The following GRID2 variants were observed in gnomAD, a reference collection of about 807,000 sequenced individuals.
GRID2 encodes glutamate receptor ionotropic, delta-2.
In GRID2, 33 loss-of-function variants were observed where a neutral mutation model predicts 114.8. That is an observed-to-expected ratio of 0.29 (90% CI 0.22 to 0.38). The LOEUF is 0.38. GRID2 is among the 10% of genes least tolerant of loss of function. The pLI is 1.00. For synonymous variants in GRID2, 505 were observed against 449.9 expected (o/e 1.12, Z -1.55); for missense variants, 1,184 against 1,257.7 (o/e 0.94, Z 0.89).
chr4:92,694,509 C>T (rs574903995), intron 2 of GRID2, among the ~76,000 whole-genome samples: 2 of 152,254 alleles, frequency 1.3e-5, no homozygotes, highest in Admixed American at 1.3e-4. Context: ...GTCCTCAACC[C>T]TATAATTTTC....
intron 2 of GRID2, among the ~76,000 whole-genome samples, chr4:93,010,896 A>G (rs1213613485): frequency 1.3e-5 from 2 of 152,018 alleles, no homozygotes; most frequent in Non-Finnish European, 2.9e-5. Flanking sequence ...AATGGCACTT[A>G]TATGCCATTT....
intron 1 of GRID2, among the ~76,000 whole-genome samples, chr4:92,488,083 G>C (rs1230201215): frequency 6.6e-6 from 1 of 152,008 alleles, no homozygotes; most frequent in Non-Finnish European, 1.5e-5. Context: ...ATGGAATTTT[G>C]AAACTCTGAT....
intron 8 of GRID2, among the ~76,000 whole-genome samples, chr4:93,354,721 TTATGTA>T (rs1761150628): frequency 1.4e-5 from 2 of 145,510 alleles, no homozygotes; most frequent in Non-Finnish European, 3.0e-5. Context: ...TGTGTAATCT[TTATGTA>T]TATGTAATAT....
At chr4:93,784,239 T>G (rs1734546112) in intron 1 of GRID2, among the ~76,000 whole-genome samples, 1 of 152,148 alleles carries the variant, frequency 6.6e-6, no homozygotes, top group South Asian at 2.1e-4. Context: ...TTCACTCTTT[T>G]TAGGCTCACA....
chr4:93,715,219 T>G (rs113599576), intron 14 of GRID2, among the ~76,000 whole-genome samples: 6,409 of 152,250 alleles, frequency 0.042, 217 homozygotes, highest in African/African-American at 0.084. Context: ...TTTGCCAGGT[T>G]TGTTGAAGAT....
At chr4:93,463,459 T>C (rs543147580) in intron 11 of GRID2, among the ~76,000 whole-genome samples, 1 of 152,198 alleles carries the variant, frequency 6.6e-6, no homozygotes, top group African/African-American at 2.4e-5. Flanking sequence ...ACTGGGCTTT[T>C]GAAGAGTTAA....
intron 2 of GRID2, among the ~76,000 whole-genome samples, chr4:92,985,497 A>G (rs1270569932): frequency 6.6e-6 from 1 of 152,072 alleles, no homozygotes; most frequent in African/African-American, 2.4e-5. Flanking sequence ...TCAGCCTTCC[A>G]AAGTGCTGGG....
intron 13 of GRID2, among the ~76,000 whole-genome samples, chr4:93,612,949 C>T (rs1741126486): frequency 6.8e-6 from 1 of 147,118 alleles, no homozygotes; most frequent in Non-Finnish European, 1.5e-5. Flanking sequence ...TCAGGTACAC[C>T]AATCAGACGT....
intron 2 of GRID2, among the ~76,000 whole-genome samples, chr4:92,721,784 G>T (rs1735821591): frequency 6.6e-6 from 1 of 152,124 alleles, no homozygotes; most frequent in African/African-American, 2.4e-5. Flanking sequence ...AAGTAGAAAA[G>T]TTAAGCTTTA....
At chr4:93,784,071 CAAAAA>C (rs70942993) in intron 1 of GRID2, among the ~76,000 whole-genome samples, 8 of 38,980 alleles carry the variant, frequency 2.1e-4, no homozygotes, top group Admixed American at 9.1e-4. Context: ...GACTCCGTCT[CAAAAA>C]AAAAAAAAAA....
intron 11 of GRID2, among the ~76,000 whole-genome samples, chr4:93,460,149 A>G (rs1199356094): frequency 6.6e-6 from 1 of 152,320 alleles, no homozygotes; most frequent in East Asian, 1.9e-4. Context: ...TGGAAAGATA[A>G]ACACATAATT....
At chr4:93,663,740 A>T (rs1249141503) in intron 14 of GRID2, among the ~76,000 whole-genome samples, 1 of 152,124 alleles carries the variant, frequency 6.6e-6, no homozygotes, top group Non-Finnish European at 1.5e-5. Context: ...AGTTTTTCTG[A>T]TTCCTATATT....
At chr4:93,725,381 C>A (rs1729772458) in intron 14 of GRID2, among the ~76,000 whole-genome samples, 1 of 152,166 alleles carries the variant, frequency 6.6e-6, no homozygotes, top group Admixed American at 6.5e-5. Flanking sequence ...TCCAGTCCAT[C>A]CTTGTTGGAC....
chr4:93,784,612 C>T (rs1230681329), intron 1 of GRID2, among the ~76,000 whole-genome samples: 1 of 149,322 alleles, frequency 6.7e-6, no homozygotes, highest in Non-Finnish European at 1.5e-5. Context: ...ATTTATTCAA[C>T]AATTGTATTT....
At chr4:92,977,364 A>T (rs1395849502) in intron 2 of GRID2, among the ~76,000 whole-genome samples, 1 of 152,176 alleles carries the variant, frequency 6.6e-6, no homozygotes, top group East Asian at 1.9e-4. Context: ...AGGAACAGGA[A>T]ATACAAGGGT....
At chr4:92,792,295 C>T (rs1281156445) in intron 2 of GRID2, among the ~76,000 whole-genome samples, 1 of 151,770 alleles carries the variant, frequency 6.6e-6, no homozygotes, top group East Asian at 1.9e-4. Flanking sequence ...ACGTGAAGTT[C>T]AGAGTTGTTA....
intron 2 of GRID2, among the ~76,000 whole-genome samples, chr4:93,074,188 T>C (rs1041063903): frequency 2.6e-5 from 4 of 152,268 alleles, no homozygotes; most frequent in African/African-American, 4.8e-5. Flanking sequence ...AAGACACATA[T>C]CCATATCAAT....
In GRID2 at chr4:93,572,957, A is replaced by G. The variant is rs552972088; in HGVS notation, c.2194-53312A>G. On this transcript the variant is annotated intron_variant, in intron 13 of 15. Coordinates refer to ENST00000282020, the MANE Select transcript of GRID2 (RefSeq NM_001510.4). ...AAGGCAAAATTTAACTGCGAAATAT[A>G]TAAGTAGTACATCATTTCCCCCTAG... is the stretch of plus-strand genomic sequence containing the variant. Among the ~76,000 whole-genome samples, 24 of 152,268 alleles carry G rather than the reference A, an allele frequency of 1.6e-4. No individual in the cohort carries two copies. The East Asian group carries it at 3.7e-3, about 23-fold the overall frequency.
intron 2 of GRID2, among the ~76,000 whole-genome samples, chr4:92,975,340 A>G (rs1038085218): frequency 5.3e-5 from 8 of 151,914 alleles, no homozygotes; most frequent in East Asian, 1.9e-4. Context: ...GGATACTTCT[A>G]GTAGGCAATC....
Sources: allele counts gnomAD v4.1 joint callset (sites outside exome capture counted in the v4.1 genomes callset), GRCh38; gene constraint gnomAD v4.1.1; transcripts MANE v1.5; gene names NCBI Gene and HGNC (gene_info 2026-07-23, HGNC 2026-07-21).